The following PCSK5 variants were observed in gnomAD, a reference collection of about 807,000 sequenced individuals.
PCSK5 encodes the protein prohormone convertase 5.
A neutral mutation model predicts 233.2 loss-of-function variants in PCSK5; 129 were observed. That is an observed-to-expected ratio of 0.55 (90% CI 0.48 to 0.64). The LOEUF is 0.64. Among genes scored for constraint, PCSK5 ranks in the 30% least tolerant of loss-of-function variants. The pLI, the probability that PCSK5 is intolerant of heterozygous loss-of-function variation, is 0.00. For missense variants in PCSK5, 2,076 were observed against 2,430.1 expected (o/e 0.85, Z 3.06); for synonymous variants, 825 against 879.2 (o/e 0.94, Z 1.09).
intron 9 of PCSK5, among the ~76,000 whole-genome samples, chr9:76,124,831 C>A (rs1250597390): frequency 6.6e-6 from 1 of 151,678 alleles, no homozygotes; most frequent in Non-Finnish European, 1.5e-5. Flanking sequence ...TCGATTCCAC[C>A]TATCCATGTC....
Position 76,328,121 on chromosome 9 carries a change from C to A in PCSK5, c.4452C>A (p.Pro1484=). Reference sequence around the variant, plus strand: ...GCATGGCCAACGAGAAGTGCTCACCCTCCGAGTACTGGGATGAGGATGCTC... The same window carrying A: ...GCATGGCCAACGAGAAGTGCTCACCATCCGAGTACTGGGATGAGGATGCTC... ...GSCMANEKCS[P]SEYWDEDAPG... Residue 1484 remains proline (P), a synonymous_variant, in exon 33 of 38, where the codon CCC becomes CCA. Transcript: ENST00000674117. 2 of 1,612,694 alleles carry A rather than the reference C, an allele frequency of 1.2e-6. No individual in the cohort carries two copies. The highest frequency in any genetic ancestry group is 8.5e-7 in the Non-Finnish European group (1 of 1,179,694).
rs1829426241 is a variant in PCSK5 at position 76,328,206 on chromosome 9, T to C, written c.4537T>C (p.Cys1513Arg). ...FHCMGPAEDQ[C>R]QTCPMNSLLL... ...CTGCATGGGGCCGGCGGAGGACCAG[T>C]GTCAAACATGCCCCATGAACAGCCT... is the stretch of plus-strand genomic sequence containing the variant. Residue 1513 changes from cysteine (C) to arginine (R), a missense_variant, in exon 33 of 38, where the codon TGT (cysteine) becomes CGT (arginine). This residue lies in a region of PCSK5 where 1,510 missense variants were observed against 1,538.1 expected (regional missense o/e 0.98). Transcript: ENST00000674117. 6.2e-7 allele frequency: 1 copy of C among 1,612,728 alleles called. No homozygotes were observed. Among genetic ancestry groups the C allele is most frequent in the Non-Finnish European group, 8.5e-7 (1 of 1,179,748 alleles).
At chr9:76,097,939 T>C (rs911171416) in intron 8 of PCSK5, among the ~76,000 whole-genome samples, 1 of 152,206 alleles carries the variant, frequency 6.6e-6, no homozygotes, top group African/African-American at 2.4e-5. Flanking sequence ...CTGACACTTT[T>C]TAGCATTTAG....
At position 76,213,377 on chromosome 9, in the gene PCSK5, A is replaced by T. The variant is rs539647328; in HGVS notation, c.2627-14126A>T. On this transcript the variant is annotated intron_variant, in intron 20 of 37. Coordinates refer to ENST00000674117, the MANE Select transcript of PCSK5 (RefSeq NM_001372043.1). ...ACTGAGCAGTCACTGGCTGGGCTAG[A>T]AAATCATTGAGGGAATTCAACCCAT... is the stretch of plus-strand genomic sequence containing the variant. Among the ~76,000 whole-genome samples, 9 of 152,316 alleles carry T rather than the reference A, an allele frequency of 5.9e-5. No individual in the cohort carries two copies. The East Asian group carries it at 1.7e-3, about 29-fold the overall frequency.
intron 20 of PCSK5, among the ~76,000 whole-genome samples, chr9:76,190,524 C>T (rs1012498535): frequency 3.9e-5 from 6 of 152,026 alleles, no homozygotes; most frequent in African/African-American, 1.4e-4. Flanking sequence ...TAAACATTAT[C>T]CTATGTTTTT....
Position 76,165,841 on chromosome 9 carries a change from G to T in PCSK5, c.1620-3863G>T, listed in dbSNP as rs544687015. Among the ~76,000 whole-genome samples the T allele has an allele frequency of 3.9e-5, 6 of 152,284 alleles. No homozygotes were observed. In the South Asian group the frequency reaches 8.3e-4, roughly 21 times the overall value. ...CTGTTGGCACAGCGTGGATGTTCAC[G>T]CTGGGCATTAAGCTTTTTAGTTGAT... On this transcript the variant is annotated intron_variant, in intron 12 of 37. Transcript: ENST00000674117.
At chr9:75,985,047 A>G (rs1009210908) in intron 2 of PCSK5, among the ~76,000 whole-genome samples, 1 of 152,240 alleles carries the variant, frequency 6.6e-6, no homozygotes, top group South Asian at 2.1e-4. Context: ...TGTGGAGAGG[A>G]GGGATAAATG....
intron 2 of PCSK5, among the ~76,000 whole-genome samples, chr9:75,965,477 C>T (rs760551264): frequency 6.6e-6 from 1 of 152,170 alleles, no homozygotes; most frequent in Non-Finnish European, 1.5e-5. Flanking sequence ...AGCCCTAGGG[C>T]AGAAGACCAG....
intron 20 of PCSK5, among the ~76,000 whole-genome samples, chr9:76,209,303 C>G (rs112823038): frequency 2.0e-5 from 3 of 152,212 alleles, no homozygotes; most frequent in Non-Finnish European, 4.4e-5. Context: ...GCGTTCCTAT[C>G]GCTACCCCTT....
chr9:76,176,084 A>G (rs908448277), intron 14 of PCSK5, among the ~76,000 whole-genome samples: 1 of 151,062 alleles, frequency 6.6e-6, no homozygotes, highest in Admixed American at 6.6e-5. Flanking sequence ...TATTTTGCAG[A>G]AGTTTTATCC....
rs776823991 is a variant in PCSK5 at position 75,891,216 on chromosome 9, G to C, written c.35G>C (p.Arg12Pro). The C allele has an allele frequency of 6.6e-7, 1 of 1,504,028 alleles. No individual in the cohort carries two copies. The highest frequency in any genetic ancestry group is 8.8e-7 in the Non-Finnish European group (1 of 1,136,794). The allele number at this position is 1,504,028 out of a possible 1,614,324, so 93.2% of individuals were successfully genotyped here. The change falls in exon 1 of 38, where the codon CGT becomes CCT. Residue 12 changes from arginine to proline, a missense_variant. Physicochemically the swap from Arg to Pro is moderately radical, Grantham distance 103 (BLOSUM62 -2). Transcript: ENST00000674117. Reference protein sequence around the residue: ...GWGSRCCCPGRLDLLCVLALL... With the variant: ...GWGSRCCCPGPLDLLCVLALL... Reference sequence around the variant, plus strand: ...GGGAGCCGCTGCTGCTGCCCGGGACGTTTGGACCTGCTGTGCGTGCTGGCG... The same window carrying C: ...GGGAGCCGCTGCTGCTGCCCGGGACCTTTGGACCTGCTGTGCGTGCTGGCG...
chr9:76,067,141 ACTT>A (rs973035796), intron 5 of PCSK5, among the ~76,000 whole-genome samples: 8 of 152,192 alleles, frequency 5.3e-5, no homozygotes. Context: ...TATACTGAAA[ACTT>A]CTTTGCCATC....
At position 76,338,338 on chromosome 9, in the gene PCSK5, T is replaced by C; in HGVS notation, c.4857T>C (p.Phe1619=). Residue 1619 remains phenylalanine (F), a synonymous_variant, in exon 35 of 38, where the codon TTT becomes TTC. Transcript: ENST00000674117. ...TDCLSCDRFF[F]LLRSKGECHR... ...GCCTGTCTTGCGATAGATTTTTCTT[T>C]CTGCTCCGCTCCAAAGGAGAGTGTC... 7 of 1,612,680 alleles carry C rather than the reference T, an allele frequency of 4.3e-6. No individual in the cohort carries two copies. The highest frequency in any genetic ancestry group is 5.9e-6 in the Non-Finnish European group (7 of 1,179,788).
chr9:75,964,352 T>C (rs10781321), intron 2 of PCSK5, among the ~76,000 whole-genome samples: 31,055 of 152,170 alleles, frequency 0.2, 3,738 homozygotes, highest in East Asian at 0.47. Flanking sequence ...TTTTTTTCAC[T>C]CAAGACAGTG....
Position 75,891,008 on chromosome 9 carries a change from G to T in PCSK5, c.-174G>T, listed in dbSNP as rs1825567824. 3 of 499,752 alleles carry T rather than the reference G, an allele frequency of 6.0e-6. No homozygotes were observed. Among genetic ancestry groups the T allele is most frequent in the South Asian group, 9.0e-5 (2 of 22,252 alleles). The allele number at this position is 499,752 out of a possible 1,614,324, so 31.0% of individuals were successfully genotyped here. On this transcript the variant is annotated 5_prime_UTR_variant, in exon 1 of 38. Coordinates refer to ENST00000674117, the MANE Select transcript of PCSK5 (RefSeq NM_001372043.1). Reference sequence around the variant, plus strand: ...GGGATGGTCTAGGAGCCGGCGTAAGGCTCGCTGCTCTGCTCCCTGCCGGGG... The same window carrying T: ...GGGATGGTCTAGGAGCCGGCGTAAGTCTCGCTGCTCTGCTCCCTGCCGGGG...
At chr9:76,282,486 A>C (rs1266276627) in intron 24 of PCSK5, among the ~76,000 whole-genome samples, 3 of 146,430 alleles carry the variant, frequency 2.0e-5, no homozygotes, top group Admixed American at 6.9e-5. Context: ...TGCCCAGCTG[A>C]TATCTATTTT....
At chr9:75,959,256 G>A (rs1047876487) in intron 2 of PCSK5, among the ~76,000 whole-genome samples, 11 of 152,210 alleles carry the variant, frequency 7.2e-5, no homozygotes, top group Non-Finnish European at 1.6e-4. Flanking sequence ...TTCTAAGGAA[G>A]AAGACTGGGG....
chr9:75,933,569 G>A (rs116340930), intron 2 of PCSK5, among the ~76,000 whole-genome samples: 2,220 of 152,264 alleles, frequency 0.015, 49 homozygotes, highest in East Asian at 0.047. Context: ...GCAATATTGC[G>A]TCTTGCCCTC....
At position 76,123,999 on chromosome 9, in the gene PCSK5, C is replaced by T. The variant is rs1053029484; in HGVS notation, c.1209-10110C>T. ...AAAACGTATATATTTTAGGACAAGT[C>T]TAGGGGATGCAACTCTTTTCATTAA... is the stretch of plus-strand genomic sequence containing the variant. On this transcript the variant is annotated intron_variant, in intron 9 of 37. Coordinates refer to ENST00000674117, the MANE Select transcript of PCSK5 (RefSeq NM_001372043.1). 5.9e-5 allele frequency among the ~76,000 whole-genome samples: 9 copies of T among 151,932 alleles called. No individual in the cohort carries two copies. The South Asian group carries it at 1.2e-3, about 21-fold the overall frequency.
Sources: gnomAD v4.1 joint callset for allele counts (sites outside exome capture counted in the v4.1 genomes callset) on GRCh38, gnomAD v4.1.1 for gene constraint, gnomAD v4.1.1 regional missense constraint, MANE v1.5 for transcripts, NCBI Gene and HGNC (gene_info 2026-07-23, HGNC 2026-07-21) for gene names.